The following IL34 variants were observed in gnomAD, a reference collection of about 807,000 sequenced individuals.
IL34 encodes interleukin 34.
A neutral mutation model predicts 25.3 loss-of-function variants in IL34; 17 were observed. The observed-to-expected ratio is 0.67, with a 90% confidence interval of 0.46 to 1.01. IL34 has a LOEUF of 1.01. Ranked by LOEUF, IL34 falls within the 50% of genes least tolerant of loss-of-function variation. IL34 has a pLI of 0.00. For missense variants in IL34, 368 were observed against 312.9 expected, an observed-to-expected ratio of 1.18 and a Z score of -1.33; for synonymous variants, 174 against 140.9, an observed-to-expected ratio of 1.23 and a Z score of -1.66.
chr16:70,643,165 T>C (rs35381200), upstream of IL34, among the ~76,000 whole-genome samples: 45,588 of 151,864 alleles, frequency 0.3, 7,136 homozygotes, highest in South Asian at 0.47. Flanking sequence ...CGGGTTCAAG[T>C]GATTCTCCTG....
chr16:70,642,780 C>T (rs1362834903), upstream of IL34, among the ~76,000 whole-genome samples: 3 of 152,124 alleles, frequency 2.0e-5, no homozygotes, highest in Non-Finnish European at 4.4e-5. Flanking sequence ...AATGAATGAA[C>T]CCTGAAAACA....
At chr16:70,651,011 C>G (rs1360271914) in intron 1 of IL34, among the ~76,000 whole-genome samples, 1 of 152,128 alleles carries the variant, frequency 6.6e-6, no homozygotes, top group Non-Finnish European at 1.5e-5. Flanking sequence ...GAGTTCAAGA[C>G]CAGCCTGGCC....
chr16:70,635,245 TCAAA>T (rs754531765), intron 1 of IL34, among the ~76,000 whole-genome samples: 114 of 152,316 alleles, frequency 7.5e-4, no homozygotes, highest in African/African-American at 8.9e-4. Flanking sequence ...TCCTGAGAAC[TCAAA>T]CAGTGATTTT....
intron 1 of IL34, among the ~76,000 whole-genome samples, chr16:70,598,209 C>A (rs74024404): frequency 0.012 from 1,831 of 152,072 alleles, 41 homozygotes; most frequent in African/African-American, 0.042. Context: ...AAACCGTCTG[C>A]CCCCCAGAAC....
upstream of IL34, among the ~76,000 whole-genome samples, chr16:70,642,019 A>G (rs1469851880): frequency 6.6e-6 from 1 of 152,206 alleles, no homozygotes; most frequent in Non-Finnish European, 1.5e-5. Context: ...GTACGGATAC[A>G]TGCTGTGTCT....
chr16:70,642,046 C>G (rs1215150604), upstream of IL34, among the ~76,000 whole-genome samples: 1 of 152,130 alleles, frequency 6.6e-6, no homozygotes, highest in Non-Finnish European at 1.5e-5. Flanking sequence ...ACCTGGCCTT[C>G]CATAAAAAAA....
chr16:70,625,519 G>T (rs1352167330), intron 1 of IL34, among the ~76,000 whole-genome samples: 1 of 152,002 alleles, frequency 6.6e-6, no homozygotes, highest in Non-Finnish European at 1.5e-5. Flanking sequence ...GGGAGAGAAG[G>T]AGTTGGGGAA....
At chr16:70,626,635 A>T (rs1255327726) in intron 1 of IL34, among the ~76,000 whole-genome samples, 1 of 152,184 alleles carries the variant, frequency 6.6e-6, no homozygotes, top group Non-Finnish European at 1.5e-5. Flanking sequence ...ACCTCAGGTG[A>T]TCTGCCCACC....
At chr16:70,601,807 C>G (rs1450409361) in intron 1 of IL34, among the ~76,000 whole-genome samples, 1 of 152,232 alleles carries the variant, frequency 6.6e-6, no homozygotes, top group Non-Finnish European at 1.5e-5. Context: ...CTGGGAGGGG[C>G]CTTCTCATGG....
In IL34 at chr16:70,659,663, A is replaced by G. The variant is rs2052334362; in HGVS notation, c.448A>G (p.Asn150Asp). The G allele has an allele frequency of 6.2e-7, 1 of 1,612,914 alleles. No individual in the cohort carries two copies. Among genetic ancestry groups the G allele is most frequent in the Admixed American group, 1.7e-5 (1 of 59,954 alleles). The change falls in exon 5 of 6, where the codon AAT (asparagine) becomes GAT (aspartate). Residue 150 changes from asparagine to aspartate, a missense_variant. Coordinates refer to ENST00000288098, the MANE Select transcript of IL34 (RefSeq NM_001393494.1). ...GGTGGAATCCGTGTTGTCCCTCTTG[A>G]ATGCCCCAGGGCCAAACCTGAAGCT... is the stretch of plus-strand genomic sequence containing the variant. The part of the protein sequence containing the change: ...PKVESVLSLL[N>D]APGPNLKLVR...
chr16:70,583,911 C>G (rs2050662794), intron 1 of IL34, among the ~76,000 whole-genome samples: 1 of 152,196 alleles, frequency 6.6e-6, no homozygotes, highest in Non-Finnish European at 1.5e-5. Context: ...CTCGACCTCC[C>G]AAAGTGCTGG....
intron 1 of IL34, among the ~76,000 whole-genome samples, chr16:70,610,285 C>T (rs2051071769): frequency 6.6e-6 from 1 of 151,940 alleles, no homozygotes; most frequent in African/African-American, 2.4e-5. Context: ...ATCAAAGGGC[C>T]AAGAAAACTC....
intron 1 of IL34, among the ~76,000 whole-genome samples, chr16:70,594,778 T>C (rs2050796756): frequency 6.6e-6 from 1 of 151,886 alleles, no homozygotes; most frequent in South Asian, 2.1e-4. Context: ...GGAAACAGGT[T>C]TTGGAAGGGA....
chr16:70,580,057 G>A (rs1465985233), intron 1 of IL34: 1 of 152,304 alleles, frequency 6.6e-6, no homozygotes, highest in African/African-American at 2.4e-5. Flanking sequence ...CAGGTAAGAA[G>A]GCAGCAGGCT....
intron 1 of IL34, among the ~76,000 whole-genome samples, chr16:70,638,203 G>A (rs550731638): frequency 2.0e-5 from 3 of 152,246 alleles, no homozygotes; most frequent in African/African-American, 7.2e-5. Flanking sequence ...CAGACTGGGC[G>A]CGATGGCTCA....
chr16:70,660,518 G>GCT lies in IL34; in HGVS notation c.*332_*333dup, dbSNP rs2052381021. 1 of 250,998 alleles carries GCT rather than the reference G, an allele frequency of 4.0e-6. No individual in the cohort carries two copies. The highest frequency in any genetic ancestry group is 7.6e-6 in the Non-Finnish European group (1 of 132,044). 15.5% of individuals were successfully genotyped at this position (250,998 alleles called of 1,614,324 possible). ...TGTGGCCCGCAGCAGTGAGGGCACA[G>GCT]CTGTGGGTTGCAGGGGAGACAGCCA... On this transcript the variant is annotated 3_prime_UTR_variant, in exon 6 of 6. Transcript: ENST00000288098.
At chr16:70,640,360 T>C (rs1454973875) in intron 1 of IL34, among the ~76,000 whole-genome samples, 1 of 152,042 alleles carries the variant, frequency 6.6e-6, no homozygotes, top group Admixed American at 6.6e-5. Context: ...TTACCTTGTG[T>C]CAACTGTAAT....
chr16:70,649,130 G>A (rs544226850), intron 1 of IL34, among the ~76,000 whole-genome samples: 103 of 152,290 alleles, frequency 6.8e-4, no homozygotes, highest in Non-Finnish European at 1.4e-3. Flanking sequence ...AGCCTGCGAG[G>A]GTTCTTGGCT....
chr16:70,587,944 A>G (rs2050713639), intron 1 of IL34, among the ~76,000 whole-genome samples: 1 of 151,302 alleles, frequency 6.6e-6, no homozygotes, highest in Non-Finnish European at 1.5e-5. Context: ...GAGGCTGAGG[A>G]ATGAGAATCA....
Sources: allele counts gnomAD v4.1 joint callset (sites outside exome capture counted in the v4.1 genomes callset), GRCh38; gene constraint gnomAD v4.1.1; transcripts MANE v1.5; gene names NCBI Gene and HGNC (gene_info 2026-07-23, HGNC 2026-07-21).